RBFOX1: variants seen among roughly 807,000 people sequenced by gnomAD.
RBFOX1 encodes the protein RNA binding fox-1 homolog 1, also known as RNA binding protein fox-1 homolog 1.
RBFOX1 carries 8 observed loss-of-function variants against 57.7 expected under a neutral mutation model. That is an observed-to-expected ratio of 0.14 (90% CI 0.08 to 0.25). RBFOX1 has a LOEUF of 0.25. RBFOX1 is among the 10% of genes least tolerant of loss of function. The pLI is 1.00. For synonymous variants in RBFOX1, 326 were observed against 222.4 expected (o/e 1.47, Z -4.15); for missense variants, 611 against 548.5 (o/e 1.11, Z -1.14).
At chr16:6,494,063 T>A (rs912859229) in intron 2 of RBFOX1, among the ~76,000 whole-genome samples, 2 of 151,546 alleles carry the variant, frequency 1.3e-5, no homozygotes, top group African/African-American at 4.9e-5. Flanking sequence ...TGTTCTTAAT[T>A]GAAATTTTTA....
intron 3 of RBFOX1, among the ~76,000 whole-genome samples, chr16:5,627,226 A>G (rs1567316644): frequency 2.6e-5 from 4 of 152,216 alleles, no homozygotes; most frequent in Non-Finnish European, 1.5e-5. Flanking sequence ...TGATTCTATC[A>G]TATCCCATGT....
intron 3 of RBFOX1, among the ~76,000 whole-genome samples, chr16:6,930,959 C>A (rs1488764739): frequency 6.6e-6 from 1 of 151,634 alleles, no homozygotes; most frequent in Non-Finnish European, 1.5e-5. Flanking sequence ...AGTATCCCAC[C>A]CCCCTACACA....
intron 2 of RBFOX1, among the ~76,000 whole-genome samples, chr16:6,514,803 T>G (rs2096339153): frequency 6.6e-6 from 1 of 151,988 alleles, no homozygotes; most frequent in Non-Finnish European, 1.5e-5. Context: ...AAAAATGGTG[T>G]CTCCTGAAGT....
intron 3 of RBFOX1, among the ~76,000 whole-genome samples, chr16:6,916,020 G>A (rs1218381557): frequency 2.0e-5 from 3 of 151,976 alleles, no homozygotes; most frequent in Non-Finnish European, 4.4e-5. Flanking sequence ...CTTAAAGACA[G>A]CTGTCTTGAC....
intron 2 of RBFOX1, among the ~76,000 whole-genome samples, chr16:5,553,503 G>C (rs543483022): frequency 1.4e-3 from 218 of 152,104 alleles, no homozygotes; most frequent in African/African-American, 5.0e-3. Flanking sequence ...TTTTAGTAGA[G>C]ACAGGGTTTC....
At chr16:6,517,480 C>G (rs1199004221) in intron 2 of RBFOX1, among the ~76,000 whole-genome samples, 1 of 152,152 alleles carries the variant, frequency 6.6e-6, no homozygotes, top group Admixed American at 6.5e-5. Context: ...ATACCAGTGT[C>G]TCCTGTCTCC....
rs560257153 is a variant in RBFOX1, at chr16:5,259,771, G to T, written c.219+19666G>T. On this transcript the variant is annotated intron_variant, in intron 1 of 2. Transcript: ENST00000585867. ...TGGAGCCGGGTTATGGATCAGCAGAGCTGCCAAAAGCGTTTTGTGGGAAAT... is the reference window on the plus strand; with the variant it reads ...TGGAGCCGGGTTATGGATCAGCAGATCTGCCAAAAGCGTTTTGTGGGAAAT... 9.2e-5 allele frequency among the ~76,000 whole-genome samples: 14 copies of T among 152,318 alleles called. 1 individual carries two copies. The South Asian group carries it at 2.7e-3, about 29-fold the overall frequency.
Position 6,519,271 on chromosome 16 carries a change from C to G in RBFOX1, c.-63-135332C>G, listed in dbSNP as rs558700916. Among the ~76,000 whole-genome samples, 8 of 152,198 alleles carry G rather than the reference C, an allele frequency of 5.3e-5. 1 individual carries two copies. In the South Asian group the frequency reaches 1.7e-3, roughly 32 times the overall value. ...GAGTGCTCTGTGCACCAGAAAGGGT[C>G]AAATGAAATGAGAATAGTCAGGTGA... On this transcript the variant is annotated intron_variant, in intron 2 of 15. Coordinates refer to ENST00000550418, the MANE Select transcript of RBFOX1 (RefSeq NM_018723.4).
At chr16:7,607,239 T>C (rs1275638528) in intron 9 of RBFOX1, 46 bp from the exon 10 acceptor site, 2 of 1,517,700 alleles carry the variant, frequency 1.3e-6, no homozygotes, top group South Asian at 2.4e-5. Context: ...TTATATAAGA[T>C]GTTGAATCAA....
chr16:6,594,951 G>A (rs1192008546), intron 2 of RBFOX1, among the ~76,000 whole-genome samples: 1 of 152,030 alleles, frequency 6.6e-6, no homozygotes, highest in East Asian at 1.9e-4. Context: ...ACCACACCGG[G>A]CTAATTTTTG....
intron 4 of RBFOX1, among the ~76,000 whole-genome samples, chr16:7,516,130 G>A (rs1193205241): frequency 1.3e-5 from 2 of 152,064 alleles, no homozygotes; most frequent in African/African-American, 2.4e-5. Context: ...CAGGCATGAG[G>A]CAACATGCCC....
chr16:5,646,966 C>G (rs565369638), intron 3 of RBFOX1, among the ~76,000 whole-genome samples: 1 of 152,064 alleles, frequency 6.6e-6, no homozygotes, highest in African/African-American at 2.4e-5. Flanking sequence ...AGGGAAATAC[C>G]GAGAAAGGGG....
intron 3 of RBFOX1, among the ~76,000 whole-genome samples, chr16:6,735,438 T>C (rs2069928041): frequency 6.6e-6 from 1 of 152,196 alleles, no homozygotes; most frequent in African/African-American, 2.4e-5. Flanking sequence ...TATTTTTCTG[T>C]CTTAGTCTCT....
chr16:5,696,614 A>T (rs1024123243), intron 3 of RBFOX1, among the ~76,000 whole-genome samples: 1 of 152,176 alleles, frequency 6.6e-6, no homozygotes, highest in African/African-American at 2.4e-5. Flanking sequence ...AGTCCTTTGC[A>T]CCTCTATGTG....
intron 3 of RBFOX1, among the ~76,000 whole-genome samples, chr16:6,682,119 A>G (rs550241189): frequency 2.0e-5 from 3 of 152,204 alleles, no homozygotes; most frequent in East Asian, 1.9e-4. Flanking sequence ...TTCCTGGGCA[A>G]TAGTGAAGTG....
At chr16:7,605,218 A>G (rs1195976508) in intron 9 of RBFOX1, among the ~76,000 whole-genome samples, 1 of 152,194 alleles carries the variant, frequency 6.6e-6, no homozygotes, top group Non-Finnish European at 1.5e-5. Flanking sequence ...AGTCATTTCC[A>G]TACTCATAAA....
At chr16:6,149,227 G>A (rs185069674) in intron 1 of RBFOX1, among the ~76,000 whole-genome samples, 2,158 of 152,322 alleles carry the variant, frequency 0.014, 61 homozygotes, top group African/African-American at 0.049. Context: ...GTGTGCGCGC[G>A]CGTGCGCGGA....
intron 3 of RBFOX1, among the ~76,000 whole-genome samples, chr16:7,037,991 TAC>T (rs1021534778): frequency 3.3e-5 from 5 of 152,304 alleles, no homozygotes; most frequent in South Asian, 2.1e-4. Flanking sequence ...GAAAAAAAAT[TAC>T]AGTTAAAACA....
chr16:5,409,151 G>GC (rs748406794), intron 1 of RBFOX1, among the ~76,000 whole-genome samples: 105 of 152,356 alleles, frequency 6.9e-4, no homozygotes, highest in Non-Finnish European at 1.3e-3. Flanking sequence ...AATGCAGACA[G>GC]CAGTAGTTGG....
Sources: gnomAD v4.1 joint callset for allele counts (sites outside exome capture counted in the v4.1 genomes callset) on GRCh38, gnomAD v4.1.1 for gene constraint, MANE v1.5 for transcripts, NCBI Gene and HGNC (gene_info 2026-07-23, HGNC 2026-07-21) for gene names.